Variants in LPGAT1 observed in about 807,000 individuals in gnomAD.
The protein encoded by LPGAT1 is lysophosphatidylglycerol acyltransferase 1.
In LPGAT1, 11 loss-of-function variants were observed where a neutral mutation model predicts 47.5. That is an observed-to-expected ratio of 0.23 (90% confidence interval 0.15 to 0.38). The LOEUF (loss-of-function observed/expected upper bound fraction) is 0.38. Among genes scored for constraint, LPGAT1 ranks in the 10% least tolerant of loss-of-function variants. The pLI, the probability that LPGAT1 is intolerant of heterozygous loss-of-function variation, is 1.00. For missense variants in LPGAT1, 293 were observed against 439.0 expected (o/e 0.67, Z 2.97); for synonymous variants, 138 against 144.2 (o/e 0.96, Z 0.31).
chr1:211,824,815 C>T (rs4951430), intron 2 of LPGAT1, among the ~76,000 whole-genome samples: 148,557 of 152,312 alleles, frequency 0.98, 72,462 homozygotes, highest in East Asian at 1. Context: ...TGAAACTTTC[C>T]GTAGAATTTC....
intron 2 of LPGAT1, among the ~76,000 whole-genome samples, chr1:211,827,622 A>G (rs1167397333): frequency 6.6e-6 from 1 of 152,246 alleles, no homozygotes; most frequent in Non-Finnish European, 1.5e-5. Flanking sequence ...CATATAACAT[A>G]TATTTGGGAA....
At chr1:211,780,309 T>C (rs1040752429) in intron 5 of LPGAT1, among the ~76,000 whole-genome samples, 2 of 152,222 alleles carry the variant, frequency 1.3e-5, no homozygotes, top group African/African-American at 4.8e-5. Context: ...TGGTGACTAC[T>C]GTTGTAGAGA....
chr1:211,788,345 A>G (rs1658969795), intron 3 of LPGAT1, among the ~76,000 whole-genome samples: 3 of 152,308 alleles, frequency 2.0e-5, no homozygotes, highest in Non-Finnish European at 4.4e-5. Flanking sequence ...AAGAGTTAAT[A>G]CCAATATTGA....
At chr1:211,791,761 A>C (rs4951428) in intron 3 of LPGAT1, among the ~76,000 whole-genome samples, 99,572 of 127,406 alleles carry the variant, frequency 0.78, 39,010 homozygotes, top group East Asian at 0.92. Context: ...AAAAAAAAAA[A>C]AAAACAAACA....
chr1:211,782,854 T>C (rs1384447072), intron 5 of LPGAT1, among the ~76,000 whole-genome samples: 3 of 152,336 alleles, frequency 2.0e-5, no homozygotes, highest in African/African-American at 7.2e-5. Flanking sequence ...AGATTAGTTT[T>C]TCAAACATGT....
At chr1:211,803,764 CTTTTT>C (rs372453326) in intron 2 of LPGAT1, among the ~76,000 whole-genome samples, 1 of 139,040 alleles carries the variant, frequency 7.2e-6, no homozygotes, top group African/African-American at 2.6e-5. Flanking sequence ...GTTTTTCTTT[CTTTTT>C]TTTTTTTTTT....
At chr1:211,755,753 T>C (rs79141138) in intron 6 of LPGAT1, among the ~76,000 whole-genome samples, 3,552 of 151,910 alleles carry the variant, frequency 0.023, 145 homozygotes, top group African/African-American at 0.08. Context: ...TTCAAAAATT[T>C]GAAAGGATGA....
chr1:211,828,764 T>A (rs149228035), intron 2 of LPGAT1, among the ~76,000 whole-genome samples: 40 of 152,364 alleles, frequency 2.6e-4, no homozygotes, highest in African/African-American at 8.4e-4. Flanking sequence ...TCTCGAGTCC[T>A]ATACAACGCA....
chr1:211,780,023 C>T (rs1359234214), intron 5 of LPGAT1, among the ~76,000 whole-genome samples: 1 of 150,130 alleles, frequency 6.7e-6, no homozygotes, highest in Non-Finnish European at 1.5e-5. Flanking sequence ...ACTAAAAATA[C>T]AAAATTAGCC....
intron 5 of LPGAT1, among the ~76,000 whole-genome samples, chr1:211,782,973 C>A (rs779442742): frequency 6.6e-6 from 1 of 152,028 alleles, no homozygotes; most frequent in African/African-American, 2.4e-5. Flanking sequence ...TTTACTGCAG[C>A]GGTGGGAATG....
In LPGAT1 at chr1:211,830,737, A is replaced by T. The variant is rs964296110; in HGVS notation, c.-192T>A. On this transcript the variant is annotated 5_prime_UTR_variant, in exon 1 of 8. Coordinates refer to ENST00000366997, the MANE Select transcript of LPGAT1 (RefSeq NM_014873.3). This position sits in a 1 kb window ranked among gnomAD's most constrained non-coding sequence, Gnocchi z 5.9. ...CCGGCGGCGCCGAGACTCGGTCCCC[A>T]AGGGCCCGGCCGCGTTCGCCCGGAC... The T allele has an allele frequency of 2.6e-6, 3 of 1,168,428 alleles. No individual in the cohort carries two copies. Among genetic ancestry groups the T allele is most frequent in the Non-Finnish European group, 3.2e-6 (3 of 947,670 alleles). The allele number at this position is 1,168,428 out of a possible 1,614,324, so 72.4% of individuals were successfully genotyped here.
rs985286359 is a variant in LPGAT1, at chr1:211,748,330, C to T, written c.*1569G>A. On this transcript the variant is annotated 3_prime_UTR_variant, in exon 8 of 8. Coordinates refer to ENST00000366997, the MANE Select transcript of LPGAT1 (RefSeq NM_014873.3). ...TCTCTTATGAGGTAAATTGTACAAA[C>T]ATCGCAACAAATTTCTAAAAAATGT... The T allele has an allele frequency of 2.1e-4, 32 of 152,382 alleles. No homozygotes were observed. The highest frequency in any genetic ancestry group is 7.5e-4 in the African/African-American group (31 of 41,460). The allele number at this position is 152,382 out of a possible 1,614,324, so 9.4% of individuals were successfully genotyped here.
At chr1:211,792,711 C>CTTTTTTTTTT (rs34552405) in intron 3 of LPGAT1, among the ~76,000 whole-genome samples, 1 of 104,590 alleles carries the variant, frequency 9.6e-6, no homozygotes, top group Non-Finnish European at 1.8e-5. Flanking sequence ...AATTGATTCC[C>CTTTTTTTTTT]TTTTTTTTTT....
chr1:211,784,804 C>CTTTT (rs11393776), intron 4 of LPGAT1, among the ~76,000 whole-genome samples: 1 of 133,322 alleles, frequency 7.5e-6, no homozygotes. Context: ...AAGGTTCTTT[C>CTTTT]TTTTTTTTTT....
At chr1:211,824,171 C>T (rs755551150) in intron 2 of LPGAT1, among the ~76,000 whole-genome samples, 8 of 151,714 alleles carry the variant, frequency 5.3e-5, no homozygotes, top group Non-Finnish European at 1.2e-4. Context: ...CCAAGGTGGG[C>T]GGATCACTTG....
chr1:211,784,849 G>C (rs1658794039), intron 4 of LPGAT1, among the ~76,000 whole-genome samples: 1 of 150,352 alleles, frequency 6.7e-6, no homozygotes, highest in Non-Finnish European at 1.5e-5. Flanking sequence ...TGTTGCCCAG[G>C]CTGGAGTGCA....
chr1:211,808,174 C>T (rs1351321714), intron 2 of LPGAT1, among the ~76,000 whole-genome samples: 8 of 151,954 alleles, frequency 5.3e-5, no homozygotes, highest in Admixed American at 3.9e-4. Context: ...GGAGAAACCC[C>T]GTCTCTACTA....
intron 2 of LPGAT1, among the ~76,000 whole-genome samples, chr1:211,808,925 C>T (rs116762927): frequency 0.069 from 10,423 of 152,030 alleles, 418 homozygotes; most frequent in Non-Finnish European, 0.087. Flanking sequence ...TGGCCAGGCA[C>T]GGTGGCTCAC....
chr1:211,822,329 T>C (rs1388739862), intron 2 of LPGAT1, among the ~76,000 whole-genome samples: 1 of 152,206 alleles, frequency 6.6e-6, no homozygotes, highest in Admixed American at 6.5e-5. Context: ...AAATTTGTAG[T>C]ACCACCAAAT....
Sources: gnomAD v4.1 joint callset for allele counts (sites outside exome capture counted in the v4.1 genomes callset) on GRCh38, gnomAD v4.1.1 for gene constraint, Gnocchi (gnomAD v3.1) non-coding constraint, MANE v1.5 for transcripts, NCBI Gene and HGNC (gene_info 2026-07-23, HGNC 2026-07-21) for gene names.